Variants in SNX1 observed in about 807,000 individuals in gnomAD.
SNX1 encodes sorting nexin-1.
Under a neutral mutation model 71.8 loss-of-function variants are expected in SNX1, and 36 were observed. That is an observed-to-expected ratio of 0.50 (90% CI 0.38 to 0.66). SNX1 has a LOEUF of 0.66. Ranked by LOEUF, SNX1 falls within the 30% of genes least tolerant of loss-of-function variation. The probability of loss-of-function intolerance (pLI) is 0.00; values close to 1 mark genes in which losing one functional copy is unlikely to be tolerated. For missense variants in SNX1, 612 were observed against 646.7 expected (o/e 0.95, Z 0.58); for synonymous variants, 254 against 240.7 (o/e 1.06, Z -0.51).
chr15:64,135,695 G>A (rs544701687), intron 12 of SNX1, among the ~76,000 whole-genome samples: 2 of 148,460 alleles, frequency 1.3e-5, no homozygotes, highest in Non-Finnish European at 3.0e-5. Flanking sequence ...GGAGGCGAAG[G>A]TTGCAGTGAG....
chr15:64,125,253 A>G (rs2081238407), intron 5 of SNX1, among the ~76,000 whole-genome samples: 1 of 152,134 alleles, frequency 6.6e-6, no homozygotes, highest in African/African-American at 2.4e-5. Flanking sequence ...ACCTGAGGTC[A>G]GGAGTTCGAG....
At chr15:64,124,176 A>ATATATG (rs1567327094) in intron 5 of SNX1, among the ~76,000 whole-genome samples, 1 of 119,104 alleles carries the variant, frequency 8.4e-6, no homozygotes, top group African/African-American at 2.9e-5. Context: ...ATATATATAT[A>ATATATG]TATGACTGTT....
At chr15:64,135,494 AC>A (rs1373172842) in intron 12 of SNX1, among the ~76,000 whole-genome samples, 3 of 143,876 alleles carry the variant, frequency 2.1e-5, no homozygotes, top group African/African-American at 5.1e-5. Context: ...ACGGTGGCTC[AC>A]GCCTGTAATA....
At chr15:64,130,405 C>A in intron 10 of SNX1, 84 bp downstream of exon 10, 1 of 1,105,162 alleles carries the variant, frequency 9.0e-7, no homozygotes, top group Non-Finnish European at 1.4e-6. Context: ...CTGTTCCAAT[C>A]CTCTCAGCCA....
intron 1 of SNX1, among the ~76,000 whole-genome samples, chr15:64,099,742 A>G (rs1402463543): frequency 6.6e-6 from 1 of 152,116 alleles, no homozygotes; most frequent in East Asian, 1.9e-4. Flanking sequence ...ACATAGTCTC[A>G]CTCTTTTTGT....
chr15:64,127,854 G>C (rs2081269952), intron 8 of SNX1, 48 bp downstream of exon 8: 2 of 1,456,208 alleles, frequency 1.4e-6, no homozygotes, highest in Non-Finnish European at 1.9e-6. Context: ...TCTGCCCCTA[G>C]TGAAACGAAA....
At chr15:64,113,857 GAA>G (rs2081103113) in intron 2 of SNX1, among the ~76,000 whole-genome samples, 3 of 151,758 alleles carry the variant, frequency 2.0e-5, no homozygotes, top group South Asian at 2.1e-4. Flanking sequence ...GAGAGAGAGA[GAA>G]AGAAAGTGAT....
chr15:64,098,540 A>T (rs932779473), intron 1 of SNX1, among the ~76,000 whole-genome samples: 2 of 152,170 alleles, frequency 1.3e-5, no homozygotes, highest in Non-Finnish European at 2.9e-5. Flanking sequence ...TAAAAATACA[A>T]AAATTATCTG....
At chr15:64,097,926 C>T (rs991318266) in intron 1 of SNX1, among the ~76,000 whole-genome samples, 4 of 152,218 alleles carry the variant, frequency 2.6e-5, no homozygotes, top group African/African-American at 9.7e-5. Context: ...AGTCCATAAT[C>T]TCAGCTCATA....
intron 2 of SNX1, chr15:64,115,621 T>C (rs1284759168): frequency 5.2e-6 from 2 of 384,990 alleles, no homozygotes; most frequent in South Asian, 3.7e-5. Flanking sequence ...TGGAGTGCAG[T>C]GGTGTGGTCA....
chr15:64,099,022 C>T (rs2080931112), intron 1 of SNX1, among the ~76,000 whole-genome samples: 1 of 152,160 alleles, frequency 6.6e-6, no homozygotes, highest in African/African-American at 2.4e-5. Flanking sequence ...GTTTAACTGT[C>T]TTGTTAAACA....
chr15:64,111,722 A>T (rs1281104785), intron 1 of SNX1, among the ~76,000 whole-genome samples: 2 of 152,230 alleles, frequency 1.3e-5, no homozygotes, highest in African/African-American at 4.8e-5. Context: ...GAAGTGTGTC[A>T]TAAAAGGTTC....
intron 1 of SNX1, 41 bp from the exon 2 acceptor site, chr15:64,112,532 T>A: frequency 7.0e-7 from 1 of 1,436,368 alleles, no homozygotes; most frequent in Non-Finnish European, 9.6e-7. Context: ...GGGTTTGTTT[T>A]TCATGGTAAT....
intron 2 of SNX1, among the ~76,000 whole-genome samples, chr15:64,117,239 A>C (rs2081138800): frequency 6.6e-6 from 1 of 152,058 alleles, no homozygotes; most frequent in African/African-American, 2.4e-5. Context: ...CAAATATCTG[A>C]ACTTCTTTTA....
At position 64,096,148 on chromosome 15, in the gene SNX1, C is replaced by T. The variant is rs2080897408; in HGVS notation, c.135C>T (p.Asp45=). The change falls in exon 1 of 15, where the codon GAC becomes GAT. Residue 45 remains aspartate, a synonymous_variant. Coordinates refer to ENST00000559844, the MANE Select transcript of SNX1 (RefSeq NM_003099.5). ...EAGDSDTEGE[D]IFTGAAVVSK... is the part of the protein sequence containing the mutation. ...GGGACAGCGACACCGAGGGGGAGGA[C>T]ATTTTCACCGGCGCCGCGGTGGTCG... 4 of 1,552,940 alleles carry T rather than the reference C, an allele frequency of 2.6e-6. No individual in the cohort carries two copies. The highest frequency in any genetic ancestry group is 1.4e-5 in the African/African-American group (1 of 73,232).
rs200154930 is a variant in SNX1, at chr15:64,126,179, A to G, written c.611A>G (p.Asn204Ser). ...AAGCTTTCCGAGAAGCACTCTCAGA[A>G]TGGCTTCATTGTCCCTCCGCCCCCG... ...YEKLSEKHSQ[N>S]GFIVPPPPEK... The change falls in exon 6 of 15, where the codon AAT becomes AGT. Residue 204 changes from asparagine (N) to serine (S), a missense_variant. Asn to Ser is a conservative substitution (Grantham distance 46, BLOSUM62 1). Coordinates refer to ENST00000559844, the MANE Select transcript of SNX1 (RefSeq NM_003099.5). 11 of 1,614,170 alleles carry G rather than the reference A, an allele frequency of 6.8e-6. No individual in the cohort carries two copies. The African/African-American group carries it at 1.3e-4, about 20-fold the overall frequency.
chr15:64,105,700 T>G (rs1423292922), intron 1 of SNX1, among the ~76,000 whole-genome samples: 1 of 152,192 alleles, frequency 6.6e-6, no homozygotes, highest in Non-Finnish European at 1.5e-5. Flanking sequence ...ACCCAAAAAG[T>G]TTAGTTGGGA....
rs563423366 is a variant in SNX1 at position 64,119,651 on chromosome 15, G to A, written c.466+797G>A. ...AGGCCAGAGAATCGCTTGAACCCGG[G>A]AGGTGGAGGCTGCAGTGAGCTGAGA... On this transcript the variant is annotated intron_variant, in intron 4 of 14. Coordinates refer to ENST00000559844, the MANE Select transcript of SNX1 (RefSeq NM_003099.5). 3.3e-5 allele frequency among the ~76,000 whole-genome samples: 5 copies of A among 151,838 alleles called. No individual in the cohort carries two copies. The South Asian group carries it at 8.3e-4, about 25-fold the overall frequency.
intron 3 of SNX1, 101 bp from the exon 4 acceptor site, chr15:64,118,687 T>A: frequency 3.6e-6 from 3 of 844,894 alleles, no homozygotes; most frequent in Non-Finnish European, 5.7e-6. Context: ...CACTGAAGGA[T>A]ACATCTTGAT....
Sources: allele counts gnomAD v4.1 joint callset (sites outside exome capture counted in the v4.1 genomes callset), GRCh38; gene constraint gnomAD v4.1.1; transcripts MANE v1.5; gene names NCBI Gene and HGNC (gene_info 2026-07-23, HGNC 2026-07-21).